RPS6KC1: variants seen among roughly 807,000 people sequenced by gnomAD.
RPS6KC1 encodes the protein inactive ribosomal protein S6 kinase delta-1.
In RPS6KC1, 54 loss-of-function variants were observed where a neutral mutation model predicts 103.8. The observed-to-expected ratio is 0.52, with a 90% CI of 0.42 to 0.65. The LOEUF (loss-of-function observed/expected upper bound fraction) is 0.65, where lower values mean the gene tolerates loss of function less well. Ranked by LOEUF, RPS6KC1 falls within the 30% of genes least tolerant of loss-of-function variation. The pLI is 0.00. For synonymous variants in RPS6KC1, 439 were observed against 438.7 expected (o/e 1.00, Z -0.01); for missense variants, 1,151 against 1,253.8 (o/e 0.92, Z 1.24).
the RPS6KC1 span, among the ~76,000 whole-genome samples, chr1:213,422,614 A>C: frequency 6.6e-6 from 1 of 152,236 alleles, no homozygotes; most frequent in Non-Finnish European, 1.5e-5. Context: ...GAATGAATAC[A>C]TTAAGGAATG....
intron 8 of RPS6KC1, among the ~76,000 whole-genome samples, chr1:213,223,527 A>G (rs997106649): frequency 6.6e-6 from 1 of 152,142 alleles, no homozygotes; most frequent in Non-Finnish European, 1.5e-5. Context: ...GTTGCTGCAA[A>G]AGACATTATT....
chr1:213,691,833 G>T, the RPS6KC1 span, among the ~76,000 whole-genome samples: 1 of 152,146 alleles, frequency 6.6e-6, no homozygotes, highest in Non-Finnish European at 1.5e-5. Flanking sequence ...TAATGGAAAT[G>T]AATCTTCCGC....
chr1:213,320,396 G>A, the RPS6KC1 span, among the ~76,000 whole-genome samples: 1,981 of 152,310 alleles, frequency 0.013, 69 homozygotes, highest in East Asian at 0.092. Flanking sequence ...GGCTTGTTAT[G>A]GTTTTACCAT....
At chr1:213,330,414 A>G in the RPS6KC1 span, among the ~76,000 whole-genome samples, 14 of 152,206 alleles carry the variant, frequency 9.2e-5, no homozygotes, top group Non-Finnish European at 1.8e-4. Flanking sequence ...CATGTAAACA[A>G]TGAGCTTACA....
chr1:213,550,200 T>C, the RPS6KC1 span, among the ~76,000 whole-genome samples: 2 of 152,166 alleles, frequency 1.3e-5, no homozygotes, highest in African/African-American at 4.8e-5. Flanking sequence ...CAAGCATAGA[T>C]ATTATGAAGT....
At chr1:213,268,096 A>G (rs1044442508) in intron 14 of RPS6KC1, among the ~76,000 whole-genome samples, 8 of 151,956 alleles carry the variant, frequency 5.3e-5, no homozygotes, top group Non-Finnish European at 7.4e-5. Flanking sequence ...TATGTAGGAA[A>G]ATACAAAGAG....
chr1:213,124,864 G>C (rs2084798637), intron 5 of RPS6KC1, among the ~76,000 whole-genome samples: 1 of 152,098 alleles, frequency 6.6e-6, no homozygotes, highest in Non-Finnish European at 1.5e-5. Context: ...GCAACTTCAA[G>C]AGGATAATTA....
chr1:213,706,031 T>C, the RPS6KC1 span, among the ~76,000 whole-genome samples: 1 of 152,202 alleles, frequency 6.6e-6, no homozygotes, highest in Admixed American at 6.5e-5. Flanking sequence ...TTTGGAGTCA[T>C]GAGCTGTGCA....
In RPS6KC1 at chr1:213,237,060, CCTAT is replaced by C. The variant is rs367704839; in HGVS notation, c.1226-3639_1226-3636del. Among the ~76,000 whole-genome samples the C allele has an allele frequency of 5.7e-3, 870 of 152,060 alleles. 8 individuals carry two copies. The highest frequency in any genetic ancestry group is 0.017 in the African/African-American group (718 of 41,486). ...TTTCTATGTTTATAAACATTCACTC[CCTAT>C]CTGTCTGTTTTTAAAAAACTTAAAT... On this transcript the variant is annotated intron_variant, in intron 10 of 14. Coordinates refer to ENST00000366960, the MANE Select transcript of RPS6KC1 (RefSeq NM_012424.6).
intron 12 of RPS6KC1, among the ~76,000 whole-genome samples, chr1:213,253,531 T>C (rs562949050): frequency 9.8e-5 from 15 of 152,360 alleles, no homozygotes; most frequent in African/African-American, 3.6e-4. Context: ...TGAGTTTAAC[T>C]TGCAGTTTCT....
At chr1:213,444,429 C>T in the RPS6KC1 span, among the ~76,000 whole-genome samples, 2 of 152,100 alleles carry the variant, frequency 1.3e-5, no homozygotes, top group Non-Finnish European at 2.9e-5. Context: ...TATGACTGTT[C>T]CCTGGGCTAA....
the RPS6KC1 span, among the ~76,000 whole-genome samples, chr1:213,828,980 T>C: frequency 1.3e-5 from 2 of 152,178 alleles, no homozygotes; most frequent in Non-Finnish European, 2.9e-5. Flanking sequence ...TTTTATACAG[T>C]GTAAATCAAT....
chr1:213,211,247 TGAA>T lies in RPS6KC1; in HGVS notation c.1045-19249_1045-19247del, dbSNP rs2093496111. Among the ~76,000 whole-genome samples, 5 of 152,284 alleles carry T rather than the reference TGAA, an allele frequency of 3.3e-5. 1 individual carries two copies. Among genetic ancestry groups the T allele is most frequent in the Non-Finnish European group, 7.3e-5 (5 of 68,046 alleles). ...AGAATACATGTATTCATTATGGGAT[TGAA>T]TGGCATGAGCCGAACTTGGGCCTAT... On this transcript the variant is annotated intron_variant, in intron 8 of 14. Transcript: ENST00000366960.
chr1:213,739,961 A>G, the RPS6KC1 span, among the ~76,000 whole-genome samples: 2 of 152,180 alleles, frequency 1.3e-5, no homozygotes, highest in African/African-American at 4.8e-5. Flanking sequence ...GAAAACAGCT[A>G]TGAACAGTCC....
chr1:213,712,737 T>G, the RPS6KC1 span, among the ~76,000 whole-genome samples: 7 of 152,254 alleles, frequency 4.6e-5, no homozygotes, highest in East Asian at 1.4e-3. Flanking sequence ...CACTGCAGGA[T>G]CCCTCACAGC....
At chr1:213,854,296 T>C in the RPS6KC1 span, among the ~76,000 whole-genome samples, 6 of 152,356 alleles carry the variant, frequency 3.9e-5, no homozygotes, top group East Asian at 1.2e-3. Context: ...AACAAATCAT[T>C]GAATTAATTT....
At chr1:213,576,613 T>C in the RPS6KC1 span, among the ~76,000 whole-genome samples, 1 of 152,252 alleles carries the variant, frequency 6.6e-6, no homozygotes, top group South Asian at 2.1e-4. Context: ...GTTGTTTGTG[T>C]TCTGACTGCT....
chr1:213,652,771 A>G, the RPS6KC1 span, among the ~76,000 whole-genome samples: 1 of 152,182 alleles, frequency 6.6e-6, no homozygotes, highest in Non-Finnish European at 1.5e-5. Context: ...GAGTGCAGCC[A>G]TCCCAGACCC....
At chr1:213,851,320 C>A in the RPS6KC1 span, among the ~76,000 whole-genome samples, 1 of 152,172 alleles carries the variant, frequency 6.6e-6, no homozygotes, top group Non-Finnish European at 1.5e-5. Context: ...AGCAACCTCT[C>A]CCTCTTTGCA....
Sources: gnomAD v4.1 joint callset for allele counts (sites outside exome capture counted in the v4.1 genomes callset) on GRCh38, gnomAD v4.1.1 for gene constraint, MANE v1.5 for transcripts, NCBI Gene and HGNC (gene_info 2026-07-23, HGNC 2026-07-21) for gene names.